Variants in DIP2C observed in about 807,000 individuals in gnomAD.
DIP2C encodes the protein DIP2 acetate--CoA ligase C (putative).
In DIP2C, 33 loss-of-function variants were observed where a neutral mutation model predicts 192.4. That is an observed-to-expected ratio of 0.17 (90% CI 0.13 to 0.23). DIP2C has a LOEUF of 0.23. Ranked by LOEUF, DIP2C falls within the 10% of genes least tolerant of loss-of-function variation. The probability of loss-of-function intolerance (pLI) is 1.00; values close to 1 mark genes in which losing one functional copy is unlikely to be tolerated. For synonymous variants in DIP2C, 979 were observed against 864.1 expected (o/e 1.13, Z -2.33); for missense variants, 1,537 against 2,110.1 (o/e 0.73, Z 5.32).
intron 1 of DIP2C, among the ~76,000 whole-genome samples, chr10:584,330 A>G (rs1272076878): frequency 6.6e-6 from 1 of 152,208 alleles, no homozygotes; most frequent in African/African-American, 2.4e-5. Flanking sequence ...TTTACCAAGC[A>G]TCTGTGTTTT....
In DIP2C at chr10:415,755, AAG is replaced by A. The variant is rs1965588148; in HGVS notation, c.859+12_859+13del. On this transcript the variant is annotated intron_variant, in intron 7 of 36. Transcript: ENST00000280886. ...GAGCATCTGGAAGAAACGTGTGGTA[AAG>A]AGTTCTCTCACCTTCTAATAATTCT... 5 of 1,613,666 alleles carry A rather than the reference AAG, an allele frequency of 3.1e-6. No homozygotes were observed. Among genetic ancestry groups the A allele is most frequent in the Middle Eastern group, 1.6e-4 (1 of 6,080 alleles).
intron 1 of DIP2C, among the ~76,000 whole-genome samples, chr10:595,635 T>C (rs1391332394): frequency 6.6e-6 from 1 of 152,154 alleles, no homozygotes; most frequent in East Asian, 1.9e-4. Flanking sequence ...TGTCCCTCCA[T>C]CTACACAGGG....
At chr10:582,047 A>G (rs1354110876) in intron 1 of DIP2C, among the ~76,000 whole-genome samples, 1 of 152,074 alleles carries the variant, frequency 6.6e-6, no homozygotes, top group Non-Finnish European at 1.5e-5. Context: ...GTCTATGAGA[A>G]CACAGTTTAC....
intron 1 of DIP2C, among the ~76,000 whole-genome samples, chr10:627,100 G>T (rs1463240809): frequency 1.3e-5 from 2 of 152,214 alleles, no homozygotes; most frequent in African/African-American, 4.8e-5. Context: ...GAAAATCCGC[G>T]TGGGGCTCAG....
chr10:608,042 T>C (rs1232851532), intron 1 of DIP2C, among the ~76,000 whole-genome samples: 1 of 151,282 alleles, frequency 6.6e-6, no homozygotes, highest in Non-Finnish European at 1.5e-5. Context: ...CACTAGAATA[T>C]GCACAAATGT....
chr10:355,087 C>A (rs1184219115), intron 24 of DIP2C, among the ~76,000 whole-genome samples: 1 of 152,278 alleles, frequency 6.6e-6, no homozygotes, highest in African/African-American at 2.4e-5. Flanking sequence ...CAACTCCAGT[C>A]CTCAAGATCT....
intron 1 of DIP2C, among the ~76,000 whole-genome samples, chr10:508,406 T>C (rs993693981): frequency 1.3e-5 from 2 of 152,174 alleles, no homozygotes; most frequent in African/African-American, 4.8e-5. Context: ...CCATCCTCGA[T>C]TTCCTGGTAG....
At chr10:444,523 T>C (rs531254588) in intron 3 of DIP2C, among the ~76,000 whole-genome samples, 2 of 144,232 alleles carry the variant, frequency 1.4e-5, no homozygotes, top group African/African-American at 2.5e-5. Flanking sequence ...TGTTTCTTGG[T>C]GCTCTTCCGT....
intron 1 of DIP2C, among the ~76,000 whole-genome samples, chr10:573,129 T>C (rs919915377): frequency 6.6e-6 from 1 of 152,198 alleles, no homozygotes; most frequent in African/African-American, 2.4e-5. Flanking sequence ...TGGGAGTTCC[T>C]GTGTCTGCTG....
intron 2 of DIP2C, among the ~76,000 whole-genome samples, chr10:485,707 A>G (rs1843966957): frequency 6.6e-6 from 1 of 152,200 alleles, no homozygotes; most frequent in African/African-American, 2.4e-5. Context: ...TTCAATGGTA[A>G]GAACTATGCA....
intron 1 of DIP2C, among the ~76,000 whole-genome samples, chr10:660,416 C>G (rs1469981932): frequency 6.6e-6 from 1 of 151,452 alleles, no homozygotes; most frequent in African/African-American, 2.4e-5. Flanking sequence ...GTTTCAAGCT[C>G]TGTGTATGAA....
At chr10:469,872 A>T (rs571241603) in intron 3 of DIP2C, among the ~76,000 whole-genome samples, 2 of 152,026 alleles carry the variant, frequency 1.3e-5, no homozygotes, top group Non-Finnish European at 2.9e-5. Flanking sequence ...AATGTGTCAC[A>T]CTCCCTCATC....
At chr10:287,319 A>G (rs1247427395) in intron 33 of DIP2C, among the ~76,000 whole-genome samples, 1 of 152,192 alleles carries the variant, frequency 6.6e-6, no homozygotes, top group Non-Finnish European at 1.5e-5. Context: ...TAAGGAATCA[A>G]AGGTTTATTC....
At chr10:360,590 C>CT (rs2132709565) in intron 22 of DIP2C, among the ~76,000 whole-genome samples, 1 of 152,328 alleles carries the variant, frequency 6.6e-6, no homozygotes, top group Non-Finnish European at 1.5e-5. Context: ...GAGGCAAGCC[C>CT]TTCCCAGGTG....
At chr10:281,081 GA>G in intron 36 of DIP2C, 118 bp downstream of exon 36, 1 of 1,392,478 alleles carries the variant, frequency 7.2e-7, no homozygotes, top group Non-Finnish European at 9.8e-7. Flanking sequence ...GTCAAATGTT[GA>G]ATCGCACCCC....
At chr10:429,588 T>C (rs1481031183) in intron 4 of DIP2C, among the ~76,000 whole-genome samples, 1 of 147,574 alleles carries the variant, frequency 6.8e-6, no homozygotes, top group Non-Finnish European at 1.5e-5. Flanking sequence ...ATCTTTTTAC[T>C]GTCTCCATAG....
chr10:509,194 G>A (rs1055384259), intron 1 of DIP2C, among the ~76,000 whole-genome samples: 5 of 152,150 alleles, frequency 3.3e-5, no homozygotes, highest in South Asian at 4.1e-4. Context: ...CTGGTGGCAC[G>A]CGTGGATACT....
At chr10:641,249 G>A (rs1465313931) in intron 1 of DIP2C, among the ~76,000 whole-genome samples, 2 of 152,160 alleles carry the variant, frequency 1.3e-5, no homozygotes, top group African/African-American at 4.8e-5. Flanking sequence ...TGTGACTGAG[G>A]GGAATCCCCA....
intron 1 of DIP2C, among the ~76,000 whole-genome samples, chr10:618,801 C>T (rs944439730): frequency 6.6e-6 from 1 of 152,228 alleles, no homozygotes; most frequent in Non-Finnish European, 1.5e-5. Flanking sequence ...AGCCCTCCCG[C>T]ACTGCTCAGC....
Sources: gnomAD v4.1 joint callset for allele counts (sites outside exome capture counted in the v4.1 genomes callset) on GRCh38, gnomAD v4.1.1 for gene constraint, MANE v1.5 for transcripts, NCBI Gene and HGNC (gene_info 2026-07-23, HGNC 2026-07-21) for gene names.